SMYD3: variants seen among roughly 807,000 people sequenced by gnomAD.
SMYD3 encodes the protein histone-lysine N-methyltransferase SMYD3.
Under a neutral mutation model 57.7 loss-of-function variants are expected in SMYD3, and 36 were observed. The observed-to-expected ratio is 0.62, with a 90% CI of 0.48 to 0.82. The LOEUF (loss-of-function observed/expected upper bound fraction) is 0.82. Among genes scored for constraint, SMYD3 ranks in the 40% least tolerant of loss-of-function variants. The pLI, the probability that SMYD3 is intolerant of heterozygous loss-of-function variation, is 0.00. For synonymous variants in SMYD3, 211 were observed against 195.0 expected, an observed-to-expected ratio of 1.08 and a Z score of -0.68; for missense variants, 515 against 538.8, an observed-to-expected ratio of 0.96 and a Z score of 0.44.
At chr1:245,991,275 A>C (rs2058808197) in intron 5 of SMYD3, among the ~76,000 whole-genome samples, 1 of 152,162 alleles carries the variant, frequency 6.6e-6, no homozygotes, top group Non-Finnish European at 1.5e-5. Flanking sequence ...TGTGGAAAAA[A>C]ATTTTCACAT....
At chr1:246,439,752 A>C (rs1449896207) in intron 1 of SMYD3, among the ~76,000 whole-genome samples, 1 of 152,228 alleles carries the variant, frequency 6.6e-6, no homozygotes, top group Non-Finnish European at 1.5e-5. Flanking sequence ...GTTGAAGACC[A>C]GCCCGTGCAA....
chr1:245,988,151 C>T (rs950481556), intron 5 of SMYD3, among the ~76,000 whole-genome samples: 2 of 151,888 alleles, frequency 1.3e-5, no homozygotes, highest in African/African-American at 2.4e-5. Flanking sequence ...CCGCCACCCA[C>T]AAACCAGTCC....
intron 10 of SMYD3, among the ~76,000 whole-genome samples, chr1:245,804,043 G>A (rs1324032712): frequency 6.6e-6 from 1 of 151,356 alleles, no homozygotes; most frequent in African/African-American, 2.4e-5. Flanking sequence ...CTTCCAAGCA[G>A]CTGGGACCAC....
chr1:246,266,826 GAGAA>G (rs1053506006), intron 5 of SMYD3, among the ~76,000 whole-genome samples: 4 of 151,854 alleles, frequency 2.6e-5, no homozygotes, highest in African/African-American at 9.7e-5. Flanking sequence ...AAGATAGAGA[GAGAA>G]AGAAAGTAAT....
At chr1:246,352,426 A>T (rs1048179726) in intron 2 of SMYD3, among the ~76,000 whole-genome samples, 9 of 152,194 alleles carry the variant, frequency 5.9e-5, no homozygotes, top group Non-Finnish European at 8.8e-5. Context: ...ACAGTTCAGT[A>T]TGTCATTTAA....
At chr1:246,316,548 T>G (rs1293182563) in intron 5 of SMYD3, among the ~76,000 whole-genome samples, 12 of 144,054 alleles carry the variant, frequency 8.3e-5, no homozygotes, top group African/African-American at 1.6e-4. Context: ...TTGGTTTTTT[T>G]TTTTTTTTTT....
intron 1 of SMYD3, among the ~76,000 whole-genome samples, chr1:246,405,413 G>C (rs1238811973): frequency 2.0e-5 from 3 of 152,046 alleles, no homozygotes; most frequent in African/African-American, 4.8e-5. Flanking sequence ...GTGGTTAATA[G>C]ACACTAATCC....
chr1:246,401,380 C>T (rs1007139130), intron 1 of SMYD3, among the ~76,000 whole-genome samples: 6 of 152,044 alleles, frequency 3.9e-5, no homozygotes, highest in African/African-American at 1.4e-4. Flanking sequence ...GTGGCCCAGG[C>T]TGGAGTGCAG....
At chr1:245,751,610 GAGAGAGAGAAAA>G (rs1325752626) in intron 11 of SMYD3, among the ~76,000 whole-genome samples, 4 of 129,792 alleles carry the variant, frequency 3.1e-5, no homozygotes, top group African/African-American at 8.4e-5. Flanking sequence ...GAGAGAGAAA[GAGAGAGAGAAAA>G]AGAGAGAGAG....
intron 5 of SMYD3, among the ~76,000 whole-genome samples, chr1:246,269,036 G>A (rs940400796): frequency 3.9e-5 from 6 of 152,118 alleles, no homozygotes; most frequent in African/African-American, 7.2e-5. Flanking sequence ...TAATAAGCAC[G>A]TAACTGAATC....
At chr1:246,262,627 C>A (rs1318011176) in intron 5 of SMYD3, among the ~76,000 whole-genome samples, 1 of 152,042 alleles carries the variant, frequency 6.6e-6, no homozygotes, top group African/African-American at 2.4e-5. Flanking sequence ...CTTGGCACAG[C>A]GTCTACCATT....
At position 246,326,594 on chromosome 1, in the gene SMYD3, AC is replaced by A. The variant is rs66802811; in HGVS notation, c.531+606del. On this transcript the variant is annotated intron_variant, in intron 5 of 11. Coordinates refer to ENST00000490107, the MANE Select transcript of SMYD3 (RefSeq NM_001167740.2). ...TTCAAGACCATCCGTCTCTACAAAA[AC>A]AAAAAAAAAAAAACAAAATTTAGCT... Among the ~76,000 whole-genome samples, 2,267 of 101,516 alleles carry A rather than the reference AC, an allele frequency of 0.022. 168 individuals carry two copies. In the East Asian group the frequency reaches 0.24, roughly 11 times the overall value. 66.6% of individuals were successfully genotyped at this position (101,516 alleles called of 152,430 possible).
intron 9 of SMYD3, 141 bp downstream of exon 9, chr1:245,863,658 C>T (rs186919655): frequency 1.6e-5 from 11 of 691,464 alleles, no homozygotes; most frequent in Non-Finnish European, 2.0e-5. Context: ...GTCGGAGGTG[C>T]GGCCTGTGAC....
intron 10 of SMYD3, among the ~76,000 whole-genome samples, chr1:245,802,340 T>C (rs1001689570): frequency 2.0e-5 from 3 of 152,208 alleles, no homozygotes; most frequent in Non-Finnish European, 4.4e-5. Flanking sequence ...ACACTAGTCC[T>C]AGGGCCAGAG....
At chr1:245,850,524 T>C (rs2050911740) in intron 10 of SMYD3, among the ~76,000 whole-genome samples, 1 of 151,920 alleles carries the variant, frequency 6.6e-6, no homozygotes, top group Non-Finnish European at 1.5e-5. Flanking sequence ...AGACCCTGCC[T>C]CTACAAAAAA....
At chr1:245,869,256 G>A (rs969529450) in intron 8 of SMYD3, among the ~76,000 whole-genome samples, 1 of 152,122 alleles carries the variant, frequency 6.6e-6, no homozygotes, top group Admixed American at 6.5e-5. Flanking sequence ...AAAGAATTCA[G>A]CCTAGAAGCA....
intron 5 of SMYD3, among the ~76,000 whole-genome samples, chr1:246,107,335 T>C (rs1202343745): frequency 1.3e-5 from 2 of 152,154 alleles, no homozygotes; most frequent in Non-Finnish European, 2.9e-5. Flanking sequence ...TATCTATTTT[T>C]CCTTTCTTTA....
At chr1:245,775,296 A>G (rs2046533484) in intron 10 of SMYD3, among the ~76,000 whole-genome samples, 1 of 152,116 alleles carries the variant, frequency 6.6e-6, no homozygotes, top group African/African-American at 2.4e-5. Context: ...TGGGGAAAGG[A>G]AAGAGAAATC....
intron 1 of SMYD3, among the ~76,000 whole-genome samples, chr1:246,403,816 A>C (rs559858314): frequency 6.6e-6 from 1 of 152,366 alleles, no homozygotes; most frequent in South Asian, 2.1e-4. Context: ...TTCAGCAATG[A>C]TACCATTTAT....
Sources: gnomAD v4.1 joint callset for allele counts (sites outside exome capture counted in the v4.1 genomes callset) on GRCh38, gnomAD v4.1.1 for gene constraint, MANE v1.5 for transcripts, NCBI Gene and HGNC (gene_info 2026-07-23, HGNC 2026-07-21) for gene names.